The following CCBE1 variants were observed in gnomAD, a reference collection of about 807,000 sequenced individuals.
CCBE1 encodes collagen and calcium-binding EGF domain-containing protein 1.
Under a neutral mutation model 50.0 loss-of-function variants are expected in CCBE1, and 37 were observed. The observed-to-expected ratio is 0.74, with a 90% confidence interval of 0.57 to 0.97. CCBE1 has a LOEUF of 0.97. Among genes scored for constraint, CCBE1 ranks in the 50% least tolerant of loss-of-function variants. The probability of loss-of-function intolerance (pLI) is 0.00; values close to 1 mark genes in which losing one functional copy is unlikely to be tolerated. For synonymous variants in CCBE1, 234 were observed against 203.7 expected (o/e 1.15, Z -1.27); for missense variants, 538 against 523.8 (o/e 1.03, Z -0.26).
chr18:59,604,091 C>A (rs1372551920), intron 2 of CCBE1, among the ~76,000 whole-genome samples: 1 of 152,134 alleles, frequency 6.6e-6, no homozygotes, highest in African/African-American at 2.4e-5. Flanking sequence ...CTTATGCAGG[C>A]AAATAAGGAA....
intron 2 of CCBE1, among the ~76,000 whole-genome samples, chr18:59,669,372 G>A (rs935998137): frequency 2.0e-5 from 3 of 152,136 alleles, no homozygotes; most frequent in Non-Finnish European, 4.4e-5. Context: ...CAGCCATCTC[G>A]TTTTCCTTTC....
chr18:59,629,406 C>T (rs934132831), intron 2 of CCBE1, among the ~76,000 whole-genome samples: 2 of 152,186 alleles, frequency 1.3e-5, no homozygotes, highest in African/African-American at 2.4e-5. Context: ...TCATTTTCAT[C>T]ATTTCATCTT....
chr18:59,463,658 G>GCCCTTGTGGGC lies in CCBE1; in HGVS notation c.553+3080_553+3081insGCCCACAAGGG, dbSNP rs1598921755. ...CGCAGGCCACTCTCCCTCACAGGCA[G>GCCCTTGTGGGC]GAACTCCTTGTGGGCGGGGCCAGGT... On this transcript the variant is annotated intron_variant, in intron 5 of 10. Transcript: ENST00000439986. Among the ~76,000 whole-genome samples the GCCCTTGTGGGC allele has an allele frequency of 2.0e-5, 3 of 152,346 alleles. No individual in the cohort carries two copies. The East Asian group carries it at 5.8e-4, about 29-fold the overall frequency.
At chr18:59,630,271 CA>C (rs34953722) in intron 2 of CCBE1, among the ~76,000 whole-genome samples, 73,860 of 139,578 alleles carry the variant, frequency 0.53, 18,610 homozygotes, top group East Asian at 0.7. Context: ...GCCTTTTGGG[CA>C]AAAAAAAAAA....
At chr18:59,645,345 A>G (rs767579617) in intron 2 of CCBE1, among the ~76,000 whole-genome samples, 1 of 152,258 alleles carries the variant, frequency 6.6e-6, no homozygotes, top group Non-Finnish European at 1.5e-5. Context: ...ACATCTGGAC[A>G]TTGGATACAT....
At chr18:59,498,431 A>C (rs1913458600) in intron 2 of CCBE1, among the ~76,000 whole-genome samples, 1 of 152,136 alleles carries the variant, frequency 6.6e-6, no homozygotes, top group Non-Finnish European at 1.5e-5. Flanking sequence ...TTCAAATGTA[A>C]ACTTTTTTAC....
intron 2 of CCBE1, among the ~76,000 whole-genome samples, chr18:59,670,041 A>G (rs2054410981): frequency 6.6e-6 from 1 of 151,780 alleles, no homozygotes; most frequent in African/African-American, 2.4e-5. Context: ...GGCTGATGCA[A>G]TCATGGACCT....
chr18:59,642,499 A>G (rs77922108), intron 2 of CCBE1, among the ~76,000 whole-genome samples: 152 of 152,308 alleles, frequency 1.0e-3, no homozygotes, highest in East Asian at 3.7e-3. Flanking sequence ...GCGCATGCAT[A>G]CCAGGAGGCA....
intron 6 of CCBE1, among the ~76,000 whole-genome samples, chr18:59,454,236 C>T (rs773335651): frequency 2.6e-5 from 4 of 152,140 alleles, no homozygotes; most frequent in Non-Finnish European, 4.4e-5. Context: ...ATGGACTTTC[C>T]GATGGCATGC....
rs1414441404 is a variant in CCBE1 at position 59,480,229 on chromosome 18, G to A, written c.222C>T (p.Cys74=). The A allele has an allele frequency of 1.3e-6, 2 of 1,595,644 alleles. No individual in the cohort carries two copies. Among genetic ancestry groups the A allele is most frequent in the Non-Finnish European group, 1.7e-6 (2 of 1,163,892 alleles). ...GELTTCYRKK[C]CKGYKFVLGQ... ...CAAGAACAAATTTATATCCTTTGCA[G>A]CACTTTTTCCTAAGAGACAAACAAA... is the stretch of plus-strand genomic sequence containing the variant. The change falls in exon 3 of 11, where the codon TGC becomes TGT. Residue 74 remains cysteine, a synonymous_variant. Coordinates refer to ENST00000439986, the MANE Select transcript of CCBE1 (RefSeq NM_133459.4).
At chr18:59,640,916 A>C (rs1568248435) in intron 2 of CCBE1, among the ~76,000 whole-genome samples, 1 of 152,204 alleles carries the variant, frequency 6.6e-6, no homozygotes, top group Non-Finnish European at 1.5e-5. Context: ...AGAGAGTTGC[A>C]AATCAAAACC....
At chr18:59,547,152 G>A (rs1915736966) in intron 2 of CCBE1, among the ~76,000 whole-genome samples, 1 of 149,516 alleles carries the variant, frequency 6.7e-6, no homozygotes, top group Non-Finnish European at 1.5e-5. Flanking sequence ...GAGAGGGAGG[G>A]AGAGGGAAAA....
chr18:59,509,355 C>G (rs1914030618), intron 2 of CCBE1, among the ~76,000 whole-genome samples: 1 of 151,978 alleles, frequency 6.6e-6, no homozygotes, highest in Non-Finnish European at 1.5e-5. Context: ...CACACAGTAG[C>G]TACAATGGAT....
intron 2 of CCBE1, among the ~76,000 whole-genome samples, chr18:59,684,347 G>A (rs1216471397): frequency 6.6e-6 from 1 of 152,178 alleles, no homozygotes; most frequent in Non-Finnish European, 1.5e-5. Flanking sequence ...TACTCAGAAG[G>A]CTGAGGCACA....
intron 2 of CCBE1, among the ~76,000 whole-genome samples, chr18:59,674,106 G>A (rs1294277662): frequency 1.3e-5 from 2 of 152,066 alleles, no homozygotes; most frequent in Non-Finnish European, 2.9e-5. Context: ...ATTAATTGCT[G>A]CCTCAATTTC....
chr18:59,525,750 T>C (rs944770031), intron 2 of CCBE1, among the ~76,000 whole-genome samples: 4 of 152,242 alleles, frequency 2.6e-5, no homozygotes, highest in Non-Finnish European at 5.9e-5. Flanking sequence ...CTTTAATCCA[T>C]CTTGAGTTAA....
At chr18:59,441,720 G>C (rs1910434206) in intron 7 of CCBE1, among the ~76,000 whole-genome samples, 1 of 152,144 alleles carries the variant, frequency 6.6e-6, no homozygotes, top group South Asian at 2.1e-4. Context: ...ATAATATCAT[G>C]TATGAAAACA....
At chr18:59,487,213 A>G (rs548253771) in intron 2 of CCBE1, among the ~76,000 whole-genome samples, 59 of 151,158 alleles carry the variant, frequency 3.9e-4, no homozygotes, top group African/African-American at 1.3e-3. Context: ...CAATTTGCAT[A>G]ATTTTCATCA....
At position 59,431,060 on chromosome 18, in the gene CCBE1, AAC is replaced by A. The variant is rs1909931275; in HGVS notation, c.*4846_*4847del. 1 of 152,254 alleles carries A rather than the reference AAC, an allele frequency of 6.6e-6. No homozygotes were observed. The highest frequency in any genetic ancestry group is 2.1e-4 in the South Asian group (1 of 4,832). The allele number at this position is 152,254 out of a possible 1,614,324, so 9.4% of individuals were successfully genotyped here. On this transcript the variant is annotated 3_prime_UTR_variant, in exon 11 of 11. Coordinates refer to ENST00000439986, the MANE Select transcript of CCBE1 (RefSeq NM_133459.4). Reference sequence around the variant, plus strand: ...CATGGACCTGTTACAAATAATGAACAACAGAGCTACTCCAGTATATGACTAGT... The same window carrying A: ...CATGGACCTGTTACAAATAATGAACAAGAGCTACTCCAGTATATGACTAGT...
Sources: allele counts gnomAD v4.1 joint callset (sites outside exome capture counted in the v4.1 genomes callset), GRCh38; gene constraint gnomAD v4.1.1; transcripts MANE v1.5; gene names NCBI Gene and HGNC (gene_info 2026-07-23, HGNC 2026-07-21).